NRG2: variants seen among roughly 807,000 people sequenced by gnomAD.
NRG2 encodes the protein neuregulin 2.
NRG2 carries 27 observed loss-of-function variants against 73.9 expected under a neutral mutation model. The observed-to-expected ratio is 0.37, with a 90% CI of 0.27 to 0.50. NRG2 has a LOEUF of 0.50. Ranked by LOEUF, NRG2 falls within the 20% of genes least tolerant of loss-of-function variation. The probability of loss-of-function intolerance (pLI) is 0.96; values close to 1 mark genes in which losing one functional copy is unlikely to be tolerated. For missense variants in NRG2, 1,126 were observed against 1,210.1 expected, an observed-to-expected ratio of 0.93 and a Z score of 1.03; for synonymous variants, 532 against 541.0, an observed-to-expected ratio of 0.98 and a Z score of 0.23.
At position 139,867,812 on chromosome 5, in the gene NRG2, G is replaced by A. The variant is rs1239437593; in HGVS notation, c.1113-2187C>T. Among the ~76,000 whole-genome samples, 45 of 139,704 alleles carry A rather than the reference G, an allele frequency of 3.2e-4. 1 individual carries two copies. The highest frequency in any genetic ancestry group is 3.0e-3 in the Admixed American group (41 of 13,570). 91.7% of individuals were successfully genotyped at this position (139,704 alleles called of 152,430 possible). A position where few individuals can be genotyped will look rare whatever the true frequency, so the allele number is the denominator to read the frequency against. ...TGTGTGTGTGTATGAGTGTGTGTGT[G>A]TGTGTGTGTGTGTGTGTGTGTGTGA... is the stretch of plus-strand genomic sequence containing the variant. On this transcript the variant is annotated intron_variant, in intron 4 of 9. Coordinates refer to ENST00000361474, the MANE Select transcript of NRG2 (RefSeq NM_004883.3).
chr5:139,884,127 C>T (rs926857457), intron 2 of NRG2, among the ~76,000 whole-genome samples: 4 of 147,728 alleles, frequency 2.7e-5, no homozygotes, highest in African/African-American at 7.5e-5. Flanking sequence ...GGTTCTATAG[C>T]GGAGAAGGGG....
intron 1 of NRG2, among the ~76,000 whole-genome samples, chr5:139,953,823 CAG>C (rs1754415725): frequency 1.3e-5 from 2 of 152,260 alleles, no homozygotes; most frequent in African/African-American, 4.8e-5. Flanking sequence ...AGAAGCACCT[CAG>C]AGCTCAGGTG....
At chr5:139,913,938 A>C (rs909392323) in intron 1 of NRG2, among the ~76,000 whole-genome samples, 1 of 152,150 alleles carries the variant, frequency 6.6e-6, no homozygotes, top group Non-Finnish European at 1.5e-5. Context: ...GAATCGTTTG[A>C]GCCCAGGAGT....
intron 1 of NRG2, among the ~76,000 whole-genome samples, chr5:139,895,031 A>C (rs2038139346): frequency 6.6e-6 from 1 of 152,208 alleles, no homozygotes; most frequent in African/African-American, 2.4e-5. Context: ...GGAGGAGGAG[A>C]CAAAACTTGG....
chr5:139,848,155 C>T lies in NRG2; in HGVS notation c.2315G>A (p.Gly772Asp). 3 of 1,441,874 alleles carry T rather than the reference C, an allele frequency of 2.1e-6. No homozygotes were observed. Among genetic ancestry groups the T allele is most frequent in the East Asian group, 3.1e-5 (1 of 32,358 alleles). 89.3% of individuals were successfully genotyped at this position (1,441,874 alleles called of 1,614,324 possible). ...SLSLSSGSGG[G>D]SASASDDDAD... ...GTCGTCGTCCGACGCCGAGGCTGAGCCGCCGCCCGAGCCGCTGCTCAGCGA... is the reference window on the plus strand; with the variant it reads ...GTCGTCGTCCGACGCCGAGGCTGAGTCGCCGCCCGAGCCGCTGCTCAGCGA... Residue 772 changes from glycine to aspartate, a missense_variant, in exon 10 of 10, where the codon GGC becomes GAC. Gly to Asp is a moderately conservative substitution (Grantham distance 94). Transcript: ENST00000361474.
At chr5:139,961,213 G>C in intron 1 of NRG2, among the ~76,000 whole-genome samples, 1 of 152,184 alleles carries the variant, frequency 6.6e-6, no homozygotes, top group Middle Eastern at 3.2e-3. Flanking sequence ...GAGGAGAAGG[G>C]GGAGCCCCAG....
chr5:139,974,519 C>A (rs1013265053), intron 1 of NRG2, among the ~76,000 whole-genome samples: 2 of 152,172 alleles, frequency 1.3e-5, no homozygotes, highest in Admixed American at 1.3e-4. Context: ...GCCACCTAGA[C>A]CATCGAACAG....
intron 1 of NRG2, among the ~76,000 whole-genome samples, chr5:140,018,364 G>C (rs1246488984): frequency 6.6e-6 from 1 of 152,196 alleles, no homozygotes; most frequent in African/African-American, 2.4e-5. Flanking sequence ...CTGCAGACGA[G>C]GGATGGGTGT....
Position 139,987,395 on chromosome 5 carries a change from A to G in NRG2, c.700+54975T>C, listed in dbSNP as rs1380400760. Among the ~76,000 whole-genome samples, 4 of 142,312 alleles carry G rather than the reference A, an allele frequency of 2.8e-5. No homozygotes were observed. In the East Asian group the frequency reaches 8.1e-4, roughly 29 times the overall value. 93.4% of individuals were successfully genotyped at this position (142,312 alleles called of 152,430 possible). A position where few individuals can be genotyped will look rare whatever the true frequency, so the allele number is the denominator to read the frequency against. ...AAAAAAAAAAAAAAAAAAAAAAAGG[A>G]TATTATGCCACCTCACATCCTGACT... is the stretch of plus-strand genomic sequence containing the variant. On this transcript the variant is annotated intron_variant, in intron 1 of 9. Transcript: ENST00000361474.
intron 1 of NRG2, among the ~76,000 whole-genome samples, chr5:140,004,963 C>T (rs1758773784): frequency 6.6e-6 from 1 of 151,984 alleles, no homozygotes; most frequent in Non-Finnish European, 1.5e-5. Flanking sequence ...AAATTAATTC[C>T]AAAAAATGTT....
At chr5:139,992,895 T>C (rs184345607) in intron 1 of NRG2, among the ~76,000 whole-genome samples, 28 of 152,254 alleles carry the variant, frequency 1.8e-4, no homozygotes, top group African/African-American at 6.7e-4. Context: ...CACCCAGCCA[T>C]GAATCTTAAA....
rs58053481 is a variant in NRG2 at position 139,973,156 on chromosome 5, C to CAAAAAAAAAAAAAAAAAAAAAAAA, written c.700+69213_700+69214insTTTTTTTTTTTTTTTTTTTTTTTT. ...TGCATCCTAAAGAAGTAAGAATATG[C>CAAAAAAAAAAAAAAAAAAAAAAAA]AAAAAAAAAAAAAAAAAAAAGCCCT... On this transcript the variant is annotated intron_variant, in intron 1 of 9. Transcript: ENST00000361474. Among the ~76,000 whole-genome samples the CAAAAAAAAAAAAAAAAAAAAAAAA allele has an allele frequency of 2.2e-5, 2 of 89,422 alleles. 1 individual carries two copies. The highest frequency in any genetic ancestry group is 4.6e-5 in the Non-Finnish European group (2 of 43,812). 58.7% of individuals were successfully genotyped at this position (89,422 alleles called of 152,430 possible).
chr5:140,029,907 C>T (rs1212656523), intron 1 of NRG2, among the ~76,000 whole-genome samples: 1 of 152,016 alleles, frequency 6.6e-6, no homozygotes, highest in Non-Finnish European at 1.5e-5. Flanking sequence ...ACTATGACAG[C>T]ATTCCTGGAG....
chr5:139,874,519 C>T (rs1159001503), intron 3 of NRG2, among the ~76,000 whole-genome samples: 1 of 152,228 alleles, frequency 6.6e-6, no homozygotes, highest in African/African-American at 2.4e-5. Context: ...AGACTCCATC[C>T]ATGTCTTGCT....
At chr5:140,010,687 G>T (rs1347102525) in intron 1 of NRG2, among the ~76,000 whole-genome samples, 2 of 152,112 alleles carry the variant, frequency 1.3e-5, no homozygotes, top group East Asian at 3.8e-4. Context: ...AACTAGGAAT[G>T]TGTACCTTAA....
intron 1 of NRG2, among the ~76,000 whole-genome samples, chr5:140,039,495 C>G (rs1761752708): frequency 6.6e-6 from 1 of 152,170 alleles, no homozygotes; most frequent in Non-Finnish European, 1.5e-5. Flanking sequence ...AAAAATATCA[C>G]TCTGGCAGGT....
At chr5:140,026,280 T>TAAAGA (rs1760683284) in intron 1 of NRG2, among the ~76,000 whole-genome samples, 3 of 152,194 alleles carry the variant, frequency 2.0e-5, no homozygotes, top group Non-Finnish European at 4.4e-5. Context: ...TTGCTCTTTA[T>TAAAGA]GCCACAGGAA....
chr5:140,005,646 T>C (rs1758837363), intron 1 of NRG2, among the ~76,000 whole-genome samples: 1 of 152,228 alleles, frequency 6.6e-6, no homozygotes, highest in Admixed American at 6.5e-5. Flanking sequence ...GTCAAAATCA[T>C]GTCCAGAACT....
At chr5:139,995,598 T>C (rs971455657) in intron 1 of NRG2, among the ~76,000 whole-genome samples, 12 of 152,128 alleles carry the variant, frequency 7.9e-5, no homozygotes, top group Non-Finnish European at 1.3e-4. Context: ...GCAAGCCAAC[T>C]TGTCTTCAGA....
Sources: allele counts gnomAD v4.1 joint callset (sites outside exome capture counted in the v4.1 genomes callset), GRCh38; gene constraint gnomAD v4.1.1; transcripts MANE v1.5; gene names NCBI Gene and HGNC (gene_info 2026-07-23, HGNC 2026-07-21).